The following GRM1 variants were observed in gnomAD, a reference collection of about 807,000 sequenced individuals.
The protein encoded by GRM1 is glutamate metabotropic receptor 1, also known as metabotropic glutamate receptor 1.
Under a neutral mutation model 90.9 loss-of-function variants are expected in GRM1, and 33 were observed. That is an observed-to-expected ratio of 0.36 (90% confidence interval 0.28 to 0.49). The LOEUF is 0.49. GRM1 is among the 20% of genes least tolerant of loss of function. The probability of loss-of-function intolerance (pLI) is 0.99; values close to 1 mark genes in which losing one functional copy is unlikely to be tolerated. For missense variants in GRM1, 1,190 were observed against 1,534.3 expected, an observed-to-expected ratio of 0.78 and a Z score of 3.75; for synonymous variants, 700 against 613.2, an observed-to-expected ratio of 1.14 and a Z score of -2.09.
At chr6:146,231,354 G>T (rs1240237460) in intron 2 of GRM1, among the ~76,000 whole-genome samples, 2 of 151,964 alleles carry the variant, frequency 1.3e-5, no homozygotes, top group African/African-American at 4.8e-5. Flanking sequence ...TGGATTTAAG[G>T]GCAACACTTT....
chr6:146,432,532 T>G (rs1290013959), intron 7 of GRM1, among the ~76,000 whole-genome samples: 1 of 152,184 alleles, frequency 6.6e-6, no homozygotes, highest in East Asian at 1.9e-4. Context: ...AAACAAAAAC[T>G]AGAATATGGA....
intron 3 of GRM1, among the ~76,000 whole-genome samples, chr6:146,320,727 T>G (rs1784152733): frequency 6.6e-6 from 1 of 152,202 alleles, no homozygotes; most frequent in South Asian, 2.1e-4. Context: ...ATTTGTCCAT[T>G]TCTTCTAGAT....
intron 2 of GRM1, among the ~76,000 whole-genome samples, chr6:146,287,610 C>G (rs1782812455): frequency 6.6e-6 from 1 of 152,124 alleles, no homozygotes; most frequent in South Asian, 2.1e-4. Flanking sequence ...CAGGATGTGC[C>G]AGTCCCTTGA....
intron 1 of GRM1, among the ~76,000 whole-genome samples, chr6:146,058,234 T>G (rs1324724478): frequency 6.6e-6 from 1 of 152,062 alleles, no homozygotes; most frequent in Non-Finnish European, 1.5e-5. Context: ...TTTAGAGTGG[T>G]GGCATGATAT....
At chr6:146,275,244 A>G (rs1363100415) in intron 2 of GRM1, among the ~76,000 whole-genome samples, 4 of 152,172 alleles carry the variant, frequency 2.6e-5, no homozygotes, top group Non-Finnish European at 5.9e-5. Context: ...AGATGTCACC[A>G]CAAATTGCAG....
intron 2 of GRM1, among the ~76,000 whole-genome samples, chr6:146,213,303 G>A (rs76307381): frequency 2.0e-5 from 3 of 152,036 alleles, no homozygotes; most frequent in Non-Finnish European, 4.4e-5. Context: ...ATGAGATTGG[G>A]TGGGGGGCGG....
intron 3 of GRM1, among the ~76,000 whole-genome samples, chr6:146,312,688 T>C (rs1783819303): frequency 6.6e-6 from 1 of 152,234 alleles, no homozygotes; most frequent in Non-Finnish European, 1.5e-5. Context: ...TCTATTTTCC[T>C]AACTCCACAA....
At chr6:146,104,618 T>C (rs934985262) in intron 1 of GRM1, among the ~76,000 whole-genome samples, 1 of 152,130 alleles carries the variant, frequency 6.6e-6, no homozygotes, top group Non-Finnish European at 1.5e-5. Context: ...GGAATATTGC[T>C]GGAGAGTAGA....
chr6:146,373,815 C>A (rs908530540), intron 5 of GRM1, among the ~76,000 whole-genome samples: 1 of 152,032 alleles, frequency 6.6e-6, no homozygotes, highest in Non-Finnish European at 1.5e-5. Flanking sequence ...CAAACAAGGA[C>A]AATTTGACTT....
At chr6:146,385,240 G>C (rs963218928) in intron 5 of GRM1, among the ~76,000 whole-genome samples, 1 of 152,008 alleles carries the variant, frequency 6.6e-6, no homozygotes, top group African/African-American at 2.4e-5. Context: ...AAATAAGAAA[G>C]GGGTGATACA....
chr6:146,397,571 C>T (rs996063373), intron 6 of GRM1, among the ~76,000 whole-genome samples: 6 of 148,874 alleles, frequency 4.0e-5, no homozygotes, highest in Admixed American at 1.3e-4. Context: ...TACATTTTCT[C>T]TGAGCAGAAG....
At chr6:146,352,601 G>T (rs1031936279) in intron 4 of GRM1, 105 bp downstream of exon 4, 1 of 1,147,592 alleles carries the variant, frequency 8.7e-7, no homozygotes. Context: ...GTGCCATGAG[G>T]ATAGATACAA....
intron 7 of GRM1, among the ~76,000 whole-genome samples, chr6:146,408,863 A>G (rs1777454520): frequency 6.6e-6 from 1 of 152,142 alleles, no homozygotes; most frequent in South Asian, 2.1e-4. Flanking sequence ...AGTGTTATCA[A>G]CTTAAAAGTG....
At chr6:146,216,270 T>G (rs1779868245) in intron 2 of GRM1, among the ~76,000 whole-genome samples, 1 of 152,220 alleles carries the variant, frequency 6.6e-6, no homozygotes, top group South Asian at 2.1e-4. Context: ...CTGTAGAGAC[T>G]GAAAATTAGG....
chr6:146,405,455 C>G (rs761701286), intron 7 of GRM1, among the ~76,000 whole-genome samples: 1 of 152,114 alleles, frequency 6.6e-6, no homozygotes, highest in Non-Finnish European at 1.5e-5. Context: ...TGTATTAATG[C>G]GCTCAGGTTG....
intron 2 of GRM1, among the ~76,000 whole-genome samples, chr6:146,161,872 A>G (rs1777741424): frequency 1.3e-5 from 2 of 152,198 alleles, no homozygotes; most frequent in Non-Finnish European, 2.9e-5. Context: ...TGAGTTCATA[A>G]GGAGCTGAGC....
intron 7 of GRM1, 22 bp from the exon 8 acceptor site, chr6:146,433,850 T>A: frequency 6.6e-7 from 1 of 1,509,756 alleles, no homozygotes; most frequent in Non-Finnish European, 9.2e-7. Flanking sequence ...TGCAAATAAA[T>A]CCATCTCTAT....
chr6:146,413,263 TTATAA>T (rs1777634130), intron 7 of GRM1, among the ~76,000 whole-genome samples: 1 of 152,172 alleles, frequency 6.6e-6, no homozygotes, highest in South Asian at 2.1e-4. Flanking sequence ...CTTTTTTCCC[TTATAA>T]AACCCTTACT....
chr6:146,229,096 G>T (rs763181524), intron 2 of GRM1, among the ~76,000 whole-genome samples: 4 of 151,928 alleles, frequency 2.6e-5, no homozygotes, highest in Admixed American at 6.6e-5. Flanking sequence ...GCAGAAAAAA[G>T]TCAATTCTAA....
Sources: allele counts gnomAD v4.1 joint callset (sites outside exome capture counted in the v4.1 genomes callset), GRCh38; gene constraint gnomAD v4.1.1; transcripts MANE v1.5; gene names NCBI Gene and HGNC (gene_info 2026-07-23, HGNC 2026-07-21).